Variants in CNBD1 observed in about 807,000 individuals in gnomAD.
CNBD1 encodes cyclic nucleotide binding domain containing 1.
A neutral mutation model predicts 54.4 loss-of-function variants in CNBD1; 71 were observed. The ratio of observed to expected loss-of-function variants is 1.30; its 90% CI spans 1.08 to 1.59. The LOEUF (loss-of-function observed/expected upper bound fraction) is 1.59, where lower values mean the gene tolerates loss of function less well. CNBD1 is among the 40% of genes most tolerant of loss of function. The pLI is 0.00. For missense variants in CNBD1, 659 were observed against 518.0 expected (o/e 1.27, Z -2.64); for synonymous variants, 182 against 170.7 (o/e 1.07, Z -0.51).
chr8:87,227,983 C>T (rs1468794724), intron 5 of CNBD1, among the ~76,000 whole-genome samples: 1 of 150,814 alleles, frequency 6.6e-6, no homozygotes, highest in Non-Finnish European at 1.5e-5. Flanking sequence ...CGCTTCATTT[C>T]ATTCATTTCA....
chr8:87,285,911 T>C (rs1808689238), intron 7 of CNBD1, among the ~76,000 whole-genome samples: 1 of 152,032 alleles, frequency 6.6e-6, no homozygotes, highest in East Asian at 1.9e-4. Context: ...GATTCAAAGG[T>C]TTCCATGATC....
At chr8:86,901,725 G>C (rs1808935692) in intron 2 of CNBD1, among the ~76,000 whole-genome samples, 1 of 152,174 alleles carries the variant, frequency 6.6e-6, no homozygotes, top group African/African-American at 2.4e-5. Flanking sequence ...TTGGTCCTCT[G>C]CATCAAGCTG....
At chr8:86,957,514 A>G (rs1285399282) in intron 4 of CNBD1, among the ~76,000 whole-genome samples, 1 of 152,018 alleles carries the variant, frequency 6.6e-6, no homozygotes, top group African/African-American at 2.4e-5. Context: ...AGATCCTGTT[A>G]TTGGTCTATT....
At chr8:87,349,387 T>C (rs1028259905) in intron 8 of CNBD1, among the ~76,000 whole-genome samples, 26 of 152,160 alleles carry the variant, frequency 1.7e-4, no homozygotes, top group Admixed American at 1.6e-3. Context: ...AGATACAATT[T>C]TTTTTTGAGG....
chr8:87,355,012 A>T (rs1194976146), intron 10 of CNBD1, among the ~76,000 whole-genome samples: 1 of 152,226 alleles, frequency 6.6e-6, no homozygotes, highest in Non-Finnish European at 1.5e-5. Flanking sequence ...ATCATTAAAA[A>T]GTCAGGAAAC....
At chr8:87,428,161 A>AG (rs1363362884) in intron 2 of CNBD1, among the ~76,000 whole-genome samples, 328 of 152,192 alleles carry the variant, frequency 2.2e-3, no homozygotes, top group Non-Finnish European at 4.0e-3. Flanking sequence ...AAAGAAAAAA[A>AG]AAAAGTCAGA....
At chr8:87,283,592 A>T (rs187406220) in intron 6 of CNBD1, among the ~76,000 whole-genome samples, 5 of 152,170 alleles carry the variant, frequency 3.3e-5, no homozygotes, top group Non-Finnish European at 7.4e-5. Context: ...TACTCATTCA[A>T]GTTGCAGACC....
intron 3 of CNBD1, among the ~76,000 whole-genome samples, chr8:86,928,978 G>A (rs530682843): frequency 3.9e-5 from 6 of 152,290 alleles, no homozygotes; most frequent in African/African-American, 1.4e-4. Flanking sequence ...CCCTGTGAAA[G>A]TCCCCATTCT....
intron 4 of CNBD1, among the ~76,000 whole-genome samples, chr8:87,134,389 A>G (rs1050589601): frequency 6.6e-6 from 1 of 152,076 alleles, no homozygotes; most frequent in Non-Finnish European, 1.5e-5. Flanking sequence ...AAGAGTATAT[A>G]GTGTACACCA....
intron 8 of CNBD1, among the ~76,000 whole-genome samples, chr8:87,343,769 C>A (rs1180506824): frequency 6.6e-6 from 1 of 152,016 alleles, no homozygotes; most frequent in South Asian, 2.1e-4. Flanking sequence ...TATGGGTTTT[C>A]ATAATTTAAT....
intron 2 of CNBD1, among the ~76,000 whole-genome samples, chr8:87,404,616 G>A (rs767816461): frequency 1.1e-4 from 16 of 151,954 alleles, no homozygotes; most frequent in Non-Finnish European, 2.4e-4. Context: ...CTTTTTGTTC[G>A]TTTATGTCCT....
rs115024332 is a variant in CNBD1, at chr8:87,052,491, C to T, written c.431+112737C>T. Among the ~76,000 whole-genome samples, 1,167 of 152,258 alleles carry T rather than the reference C, an allele frequency of 7.7e-3. 17 individuals carry two copies. Among genetic ancestry groups the T allele is most frequent in the African/African-American group, 0.026 (1,094 of 41,546 alleles). On this transcript the variant is annotated intron_variant, in intron 4 of 10. Transcript: ENST00000518476. ...TCCTTTATAAGCATTCCAGTATGCA[C>T]ATTAGAAAGTGTTTTCTTTCCCACT... is the stretch of plus-strand genomic sequence containing the variant.
chr8:87,278,626 A>C (rs942334763), intron 6 of CNBD1, among the ~76,000 whole-genome samples: 2 of 151,604 alleles, frequency 1.3e-5, no homozygotes, highest in Admixed American at 1.3e-4. Context: ...GAAAGATCTC[A>C]TTGCAAGCAA....
At chr8:87,004,162 G>T (rs905414992) in intron 4 of CNBD1, among the ~76,000 whole-genome samples, 4 of 152,142 alleles carry the variant, frequency 2.6e-5, no homozygotes, top group African/African-American at 9.7e-5. Flanking sequence ...ATAAACAAAA[G>T]AGGTTTAATT....
At chr8:87,386,018 G>T (rs558939261), downstream of CNBD1, among the ~76,000 whole-genome samples, 82 of 152,226 alleles carry the variant, frequency 5.4e-4, no homozygotes, top group African/African-American at 1.8e-3. Context: ...GTCTGGAGTG[G>T]ACCTCCAGCA....
intron 4 of CNBD1, among the ~76,000 whole-genome samples, 183 bp from the exon 5 acceptor site, chr8:87,205,810 G>A (rs1813959846): frequency 6.6e-6 from 1 of 152,114 alleles, no homozygotes; most frequent in Non-Finnish European, 1.5e-5. Context: ...GCATCTTAAT[G>A]TCGGAAGGGT....
At chr8:87,143,881 T>A (rs2130741255) in intron 4 of CNBD1, among the ~76,000 whole-genome samples, 1 of 152,288 alleles carries the variant, frequency 6.6e-6, no homozygotes, top group East Asian at 1.9e-4. Flanking sequence ...TAGTTTTACT[T>A]TTTGCAGTGC....
intron 2 of CNBD1, among the ~76,000 whole-genome samples, chr8:87,391,596 G>A (rs1418691898): frequency 1.3e-5 from 2 of 152,006 alleles, no homozygotes; most frequent in East Asian, 1.9e-4. Flanking sequence ...TTCAATAGGG[G>A]AAGAATAATC....
chr8:87,418,798 CA>C (rs1052744740), intron 2 of CNBD1, among the ~76,000 whole-genome samples: 11 of 151,718 alleles, frequency 7.3e-5, no homozygotes, highest in Non-Finnish European at 1.0e-4. Flanking sequence ...AAAATATAGA[CA>C]GTAATAAAAG....
Sources: gnomAD v4.1 joint callset for allele counts (sites outside exome capture counted in the v4.1 genomes callset) on GRCh38, gnomAD v4.1.1 for gene constraint, MANE v1.5 for transcripts, NCBI Gene and HGNC (gene_info 2026-07-23, HGNC 2026-07-21) for gene names.